The following BMPER variants were observed in gnomAD, a reference collection of about 807,000 sequenced individuals.
BMPER encodes BMP binding endothelial regulator, also known as BMP-binding endothelial regulator protein.
Under a neutral mutation model 87.3 loss-of-function variants are expected in BMPER, and 45 were observed. The ratio of observed to expected loss-of-function variants is 0.52; its 90% CI spans 0.41 to 0.66. The LOEUF (loss-of-function observed/expected upper bound fraction) is 0.66, where lower values mean the gene tolerates loss of function less well. Among genes scored for constraint, BMPER ranks in the 30% least tolerant of loss-of-function variants. BMPER has a pLI of 0.00. For synonymous variants in BMPER, 326 were observed against 316.2 expected (o/e 1.03, Z -0.33); for missense variants, 784 against 867.5 (o/e 0.90, Z 1.21).
intron 13 of BMPER, among the ~76,000 whole-genome samples, chr7:34,125,326 G>T (rs957069498): frequency 1.3e-5 from 2 of 152,056 alleles, no homozygotes; most frequent in Non-Finnish European, 2.9e-5. Context: ...GACCATTGCT[G>T]ATCATTTGTC....
At chr7:34,072,979 T>G (rs1256551165) in intron 11 of BMPER, among the ~76,000 whole-genome samples, 1 of 152,224 alleles carries the variant, frequency 6.6e-6, no homozygotes, top group African/African-American at 2.4e-5. Flanking sequence ...CCTAATAGTC[T>G]CTTTATTCTG....
chr7:34,149,296 C>T (rs796610512), intron 14 of BMPER, among the ~76,000 whole-genome samples: 4 of 152,278 alleles, frequency 2.6e-5, no homozygotes, highest in African/African-American at 9.6e-5. Flanking sequence ...TTATGAATAT[C>T]TCTGATTAAG....
rs186313449 is a variant in BMPER, at chr7:34,152,058, T to G, written c.1877-1034T>G. 1.4e-4 allele frequency among the ~76,000 whole-genome samples: 22 copies of G among 152,328 alleles called. 2 individuals carry two copies. In the East Asian group the frequency reaches 4.2e-3, roughly 29 times the overall value. On this transcript the variant is annotated intron_variant, in intron 14 of 14. Coordinates refer to ENST00000649409, the MANE Select transcript of BMPER (RefSeq NM_001365308.1). ...AAATGCATAACTTGAAAGACTCAAATTGAGGCCCGTTTGCTGGCAAACCAG... is the reference window on the plus strand; with the variant it reads ...AAATGCATAACTTGAAAGACTCAAAGTGAGGCCCGTTTGCTGGCAAACCAG...
At chr7:34,013,799 C>T (rs1278318555) in intron 6 of BMPER, among the ~76,000 whole-genome samples, 1 of 151,852 alleles carries the variant, frequency 6.6e-6, no homozygotes, top group Non-Finnish European at 1.5e-5. Flanking sequence ...TTCTCATCAA[C>T]CTTCCCCCTA....
intron 3 of BMPER, among the ~76,000 whole-genome samples, chr7:33,962,436 G>A (rs934848062): frequency 6.6e-5 from 10 of 152,136 alleles, no homozygotes; most frequent in Non-Finnish European, 1.2e-4. Context: ...TTTACATCAG[G>A]GTTTTCAGCC....
chr7:34,156,049 G>A lies in BMPER; in HGVS notation c.*2776G>A, dbSNP rs773429737. Among the ~76,000 whole-genome samples the A allele has an allele frequency of 3.3e-4, 50 of 152,198 alleles. No individual in the cohort carries two copies. Among genetic ancestry groups the A allele is most frequent in the Middle Eastern group, 3.4e-3 (1 of 292 alleles). ...GAAGAAAAGATATCTCTTTGGCATCGACAAGAGCAATTTTTGTTAAAACTG... is the reference window on the plus strand; with the variant it reads ...GAAGAAAAGATATCTCTTTGGCATCAACAAGAGCAATTTTTGTTAAAACTG... On this transcript the variant is annotated 3_prime_UTR_variant, in exon 15 of 15. Transcript: ENST00000649409.
intron 11 of BMPER, among the ~76,000 whole-genome samples, chr7:34,076,272 A>G (rs1788862406): frequency 6.6e-6 from 1 of 152,164 alleles, no homozygotes; most frequent in South Asian, 2.1e-4. Flanking sequence ...AATTGGCCTT[A>G]TCTACAAGTG....
At chr7:33,963,417 T>A (rs1425813684) in intron 3 of BMPER, among the ~76,000 whole-genome samples, 1 of 152,190 alleles carries the variant, frequency 6.6e-6, no homozygotes, top group East Asian at 1.9e-4. Flanking sequence ...TGGGCTTATA[T>A]TTTGTCTCTT....
At chr7:34,133,761 A>C in intron 13 of BMPER, among the ~76,000 whole-genome samples, 1 of 152,130 alleles carries the variant, frequency 6.6e-6, no homozygotes, top group East Asian at 1.9e-4. Context: ...GTTAAATTTC[A>C]GGACATCTAG....
At chr7:33,940,904 A>C (rs1043025604) in intron 3 of BMPER, among the ~76,000 whole-genome samples, 4 of 136,104 alleles carry the variant, frequency 2.9e-5, no homozygotes, top group Non-Finnish European at 6.1e-5. Context: ...ATTTATATAT[A>C]TTACATATTG....
chr7:33,966,662 C>A (rs999798384), intron 4 of BMPER, 101 bp downstream of exon 4: 4 of 1,143,274 alleles, frequency 3.5e-6, no homozygotes, highest in Admixed American at 2.0e-5. Flanking sequence ...AAAGGCCAAA[C>A]AGAAATGAAA....
At chr7:33,964,808 T>G (rs1156794010) in intron 3 of BMPER, among the ~76,000 whole-genome samples, 2 of 152,142 alleles carry the variant, frequency 1.3e-5, no homozygotes, top group Non-Finnish European at 2.9e-5. Flanking sequence ...TTTCTTTCAG[T>G]TTTTTAATTC....
intron 6 of BMPER, among the ~76,000 whole-genome samples, chr7:34,002,592 A>C (rs545494144): frequency 6.6e-6 from 1 of 151,904 alleles, no homozygotes; most frequent in East Asian, 1.9e-4. Flanking sequence ...TATTCTGCTT[A>C]GTTGTTCTAT....
At chr7:34,092,769 C>T (rs1021526208) in intron 13 of BMPER, among the ~76,000 whole-genome samples, 9 of 151,940 alleles carry the variant, frequency 5.9e-5, no homozygotes, top group Admixed American at 3.9e-4. Flanking sequence ...TCTTGGAGCC[C>T]AAGTAAAAAG....
intron 2 of BMPER, among the ~76,000 whole-genome samples, chr7:33,918,717 C>T (rs937960340): frequency 1.3e-5 from 2 of 152,168 alleles, no homozygotes; most frequent in African/African-American, 4.8e-5. Context: ...GGGAATGGGG[C>T]CCATTAGACT....
chr7:34,085,002 A>G (rs1789161084), intron 12 of BMPER, among the ~76,000 whole-genome samples: 1 of 152,132 alleles, frequency 6.6e-6, no homozygotes, highest in African/African-American at 2.4e-5. Flanking sequence ...CACAAGAAGA[A>G]CTCTTGCCCA....
rs549474061 is a variant in BMPER, at chr7:34,003,407, A to T, written c.576+28623A>T. On this transcript the variant is annotated intron_variant, in intron 6 of 14. Transcript: ENST00000649409. ...TCCTTTCTACTATTACTGTCATACAAATCGCACTCTATGTATTATAAACCC... is the reference window on the plus strand; with the variant it reads ...TCCTTTCTACTATTACTGTCATACATATCGCACTCTATGTATTATAAACCC... Among the ~76,000 whole-genome samples the T allele has an allele frequency of 6.6e-5, 10 of 152,054 alleles. No individual in the cohort carries two copies. The East Asian group carries it at 1.9e-3, about 29-fold the overall frequency.
intron 7 of BMPER, among the ~76,000 whole-genome samples, chr7:34,051,115 T>C (rs1788136885): frequency 6.6e-6 from 1 of 152,176 alleles, no homozygotes; most frequent in Admixed American, 6.5e-5. Context: ...TCTTACTTTG[T>C]TGTCACGTCG....
intron 2 of BMPER, among the ~76,000 whole-genome samples, chr7:33,924,151 T>C (rs555910609): frequency 3.3e-4 from 51 of 152,312 alleles, no homozygotes; most frequent in Non-Finnish European, 6.6e-4. Flanking sequence ...GCTCCATTTT[T>C]TCAGGCCATC....
Sources: allele counts gnomAD v4.1 joint callset (sites outside exome capture counted in the v4.1 genomes callset), GRCh38; gene constraint gnomAD v4.1.1; transcripts MANE v1.5; gene names NCBI Gene and HGNC (gene_info 2026-07-23, HGNC 2026-07-21).